Variants in SCHIP1 observed in about 807,000 individuals in gnomAD.
SCHIP1 encodes the protein schwannomin-interacting protein 1.
Under a neutral mutation model 29.7 loss-of-function variants are expected in SCHIP1, and 8 were observed. The observed-to-expected ratio is 0.27, with a 90% CI of 0.16 to 0.49. SCHIP1 has a LOEUF of 0.49. Among genes scored for constraint, SCHIP1 ranks in the 20% least tolerant of loss-of-function variants. SCHIP1 has a pLI of 0.99. For synonymous variants in SCHIP1, 76 were observed against 94.9 expected, an observed-to-expected ratio of 0.80 and a Z score of 1.16; for missense variants, 193 against 294.6, an observed-to-expected ratio of 0.66 and a Z score of 2.52.
the SCHIP1 span, among the ~76,000 whole-genome samples, chr3:159,413,047 C>G: frequency 6.6e-6 from 1 of 152,154 alleles, no homozygotes; most frequent in Non-Finnish European, 1.5e-5. Flanking sequence ...GTCCTTCTTC[C>G]CATGGCAGCA....
the SCHIP1 span, among the ~76,000 whole-genome samples, chr3:159,768,094 G>T: frequency 6.6e-6 from 1 of 152,138 alleles, no homozygotes; most frequent in African/African-American, 2.4e-5. Flanking sequence ...GACCCAGTGA[G>T]AAACTTATGA....
the SCHIP1 span, among the ~76,000 whole-genome samples, chr3:159,296,423 C>T: frequency 6.6e-6 from 1 of 152,066 alleles, no homozygotes; most frequent in Admixed American, 6.6e-5. Flanking sequence ...TAACACATTA[C>T]CACCCATAGT....
the SCHIP1 span, among the ~76,000 whole-genome samples, chr3:159,426,703 A>G: frequency 6.6e-6 from 1 of 152,208 alleles, no homozygotes. Flanking sequence ...CATCATCCTG[A>G]TACCAAAGCT....
the SCHIP1 span, chr3:159,763,891 G>A: frequency 6.6e-6 from 1 of 152,106 alleles, no homozygotes; most frequent in Middle Eastern, 3.4e-3. Flanking sequence ...TCCTTACAAA[G>A]TAAAGCTCAG....
chr3:159,749,254 A>T, the SCHIP1 span, among the ~76,000 whole-genome samples: 1 of 151,988 alleles, frequency 6.6e-6, no homozygotes, highest in African/African-American at 2.4e-5. Flanking sequence ...AGGTGGGAGG[A>T]TCACCTGAGC....
At chr3:159,446,487 A>T in the SCHIP1 span, among the ~76,000 whole-genome samples, 1 of 151,992 alleles carries the variant, frequency 6.6e-6, no homozygotes, top group East Asian at 1.9e-4. Context: ...GCAATACAGT[A>T]TTGTTGCATT....
At chr3:159,588,818 G>T in the SCHIP1 span, among the ~76,000 whole-genome samples, 2 of 152,036 alleles carry the variant, frequency 1.3e-5, no homozygotes, top group African/African-American at 2.4e-5. Flanking sequence ...TGTTCCATTG[G>T]TCTATATCTG....
the SCHIP1 span, among the ~76,000 whole-genome samples, chr3:159,315,924 G>A: frequency 1.7e-4 from 23 of 135,722 alleles, no homozygotes; most frequent in South Asian, 1.1e-3. Context: ...TTTTTTTGTC[G>A]GGGAGGGGGT....
At chr3:159,788,642 A>G in the SCHIP1 span, among the ~76,000 whole-genome samples, 8,942 of 152,264 alleles carry the variant, frequency 0.059, 349 homozygotes, top group South Asian at 0.2. Flanking sequence ...TGAGTTCACC[A>G]CACTTCATTC....
At chr3:159,312,286 C>T in the SCHIP1 span, among the ~76,000 whole-genome samples, 7 of 152,144 alleles carry the variant, frequency 4.6e-5, no homozygotes, top group African/African-American at 1.7e-4. Context: ...TCACTCACAT[C>T]AATGTTCATC....
At chr3:159,307,539 T>C in the SCHIP1 span, among the ~76,000 whole-genome samples, 2 of 152,182 alleles carry the variant, frequency 1.3e-5, no homozygotes, top group South Asian at 4.1e-4. Flanking sequence ...TTTTTTGATA[T>C]TTTCCTTTGC....
chr3:159,665,546 T>TTGTATGTGTG, the SCHIP1 span, among the ~76,000 whole-genome samples: 1 of 147,460 alleles, frequency 6.8e-6, no homozygotes, highest in African/African-American at 2.5e-5. Context: ...GTTTTTGGGG[T>TTGTATGTGTG]TGTGTGTGTG....
At chr3:159,612,186 C>A in the SCHIP1 span, among the ~76,000 whole-genome samples, 1 of 151,828 alleles carries the variant, frequency 6.6e-6, no homozygotes, top group Non-Finnish European at 1.5e-5. Flanking sequence ...AAGAGAAAAA[C>A]TCATGATGAC....
chr3:159,667,147 C>T, the SCHIP1 span, among the ~76,000 whole-genome samples: 1 of 152,104 alleles, frequency 6.6e-6, no homozygotes, highest in African/African-American at 2.4e-5. Context: ...GAACTTGTAG[C>T]TTAGATCGGA....
At chr3:159,669,825 C>A in the SCHIP1 span, among the ~76,000 whole-genome samples, 13,197 of 152,174 alleles carry the variant, frequency 0.087, 1,683 homozygotes, top group African/African-American at 0.28. Flanking sequence ...GAGACAACCC[C>A]CTGTGTTCTG....
chr3:159,764,987 G>T, the SCHIP1 span: 1 of 1,522,672 alleles, frequency 6.6e-7, no homozygotes, highest in Non-Finnish European at 8.8e-7. This position sits in a 1 kb window ranked among gnomAD's most constrained non-coding sequence, Gnocchi z 6.1. Context: ...GGGGGGCTCT[G>T]CCTTCAGCCC....
chr3:159,727,570 A>T, the SCHIP1 span, among the ~76,000 whole-genome samples: 3 of 151,690 alleles, frequency 2.0e-5, no homozygotes, highest in African/African-American at 7.3e-5. Flanking sequence ...CAATTTTTTT[A>T]AAGTGCTTAA....
the SCHIP1 span, among the ~76,000 whole-genome samples, chr3:159,626,158 ATATCTAGATATATCTATCTATC>A: frequency 0.018 from 2,148 of 121,944 alleles, 269 homozygotes; most frequent in African/African-American, 0.098. Context: ...ATATATATAT[ATATCTAGATATATCTATCTATC>A]TAGATAGATA....
At chr3:159,554,171 G>A in the SCHIP1 span, among the ~76,000 whole-genome samples, 2 of 152,102 alleles carry the variant, frequency 1.3e-5, no homozygotes, top group African/African-American at 2.4e-5. Flanking sequence ...CGCCCGGTCA[G>A]TATTTTTAAA....
Sources: gnomAD v4.1 joint callset for allele counts (sites outside exome capture counted in the v4.1 genomes callset) on GRCh38, gnomAD v4.1.1 for gene constraint, Gnocchi (gnomAD v3.1) non-coding constraint, MANE v1.5 for transcripts, NCBI Gene and HGNC (gene_info 2026-07-23, HGNC 2026-07-21) for gene names.